MYO3A: variants seen among roughly 807,000 people sequenced by gnomAD.
MYO3A encodes the protein myosin IIIA.
Under a neutral mutation model 192.7 loss-of-function variants are expected in MYO3A, and 180 were observed. The ratio of observed to expected loss-of-function variants is 0.93; its 90% CI spans 0.83 to 1.06. The LOEUF is 1.06. MYO3A is among the 50% of genes least tolerant of loss of function. MYO3A has a pLI of 0.00. For synonymous variants in MYO3A, 628 were observed against 645.3 expected (o/e 0.97, Z 0.41); for missense variants, 1,896 against 1,905.0 (o/e 1.00, Z 0.09).
intron 34 of MYO3A, among the ~76,000 whole-genome samples, chr10:26,204,930 A>G (rs763947234): frequency 7.2e-5 from 11 of 152,230 alleles, no homozygotes; most frequent in South Asian, 6.2e-4. Context: ...AATTTAAAAT[A>G]GAAAACAAAA....
chr10:26,095,305 G>A (rs933084862), intron 15 of MYO3A, among the ~76,000 whole-genome samples: 6 of 152,136 alleles, frequency 3.9e-5, no homozygotes. Context: ...ACTGTAAAAG[G>A]AATCCTACTC....
chr10:26,127,310 T>G (rs1172728541), intron 19 of MYO3A, among the ~76,000 whole-genome samples: 1 of 152,202 alleles, frequency 6.6e-6, no homozygotes, highest in African/African-American at 2.4e-5. Context: ...CACTTTTTTA[T>G]GCAATGAGTT....
At chr10:26,002,292 C>G (rs1431155354) in intron 6 of MYO3A, among the ~76,000 whole-genome samples, 6 of 152,174 alleles carry the variant, frequency 3.9e-5, no homozygotes, top group African/African-American at 1.4e-4. Flanking sequence ...AGAAATAGCA[C>G]TCGAATATAA....
intron 23 of MYO3A, 113 bp downstream of exon 23, chr10:26,147,672 C>T: frequency 6.8e-7 from 1 of 1,474,610 alleles, no homozygotes. Flanking sequence ...GTTTTCGGCT[C>T]ACTAAATATT....
intron 6 of MYO3A, among the ~76,000 whole-genome samples, chr10:26,012,258 G>A (rs1270955579): frequency 6.6e-6 from 1 of 152,058 alleles, no homozygotes; most frequent in Non-Finnish European, 1.5e-5. Flanking sequence ...TTAAGCAAGA[G>A]AAGAAATAAA....
intron 10 of MYO3A, among the ~76,000 whole-genome samples, chr10:26,027,691 G>A (rs563108871): frequency 8.7e-4 from 133 of 152,292 alleles, no homozygotes; most frequent in Middle Eastern, 6.8e-3. Flanking sequence ...AGTATTATAT[G>A]TGTCCCAGAG....
chr10:26,189,882 C>G (rs149092751), intron 31 of MYO3A, among the ~76,000 whole-genome samples: 3,790 of 151,996 alleles, frequency 0.025, 147 homozygotes, highest in African/African-American at 0.087. Flanking sequence ...GGCTAACATG[C>G]TGAAACCCCA....
chr10:26,169,185 T>C (rs1239947700), intron 28 of MYO3A, among the ~76,000 whole-genome samples: 1 of 152,206 alleles, frequency 6.6e-6, no homozygotes, highest in African/African-American at 2.4e-5. Flanking sequence ...TTATAGCTCA[T>C]TGGACAATAA....
intron 2 of MYO3A, among the ~76,000 whole-genome samples, chr10:25,946,365 G>C (rs1469742636): frequency 6.6e-6 from 1 of 151,656 alleles, no homozygotes; most frequent in African/African-American, 2.4e-5. Flanking sequence ...TCCAGATATA[G>C]AATTCTCAGT....
intron 17 of MYO3A, among the ~76,000 whole-genome samples, chr10:26,117,042 T>C (rs1838550797): frequency 1.3e-5 from 2 of 152,214 alleles, no homozygotes; most frequent in South Asian, 4.1e-4. Flanking sequence ...TTAGTTGTGA[T>C]ACTTGGTGTA....
chr10:25,998,937 G>A (rs558038654), intron 6 of MYO3A, among the ~76,000 whole-genome samples: 5 of 151,830 alleles, frequency 3.3e-5, no homozygotes, highest in South Asian at 2.1e-4. Flanking sequence ...TCACTCTGTC[G>A]CCCAGGCTGG....
intron 6 of MYO3A, among the ~76,000 whole-genome samples, chr10:26,000,396 T>C (rs1840717065): frequency 6.6e-6 from 1 of 152,250 alleles, no homozygotes; most frequent in Non-Finnish European, 1.5e-5. Flanking sequence ...GGCATCACTC[T>C]GTTTGGCAGT....
chr10:26,160,069 G>A (rs1297683856), intron 26 of MYO3A, among the ~76,000 whole-genome samples: 3 of 151,706 alleles, frequency 2.0e-5, no homozygotes, highest in African/African-American at 7.3e-5. Context: ...TGCACTTCAT[G>A]TTTCAGAAAA....
intron 23 of MYO3A, among the ~76,000 whole-genome samples, chr10:26,147,840 T>C (rs1309527483): frequency 6.6e-6 from 1 of 152,078 alleles, no homozygotes; most frequent in East Asian, 1.9e-4. Context: ...ACCTCCAGAG[T>C]TCAGAATTAC....
intron 34 of MYO3A, among the ~76,000 whole-genome samples, chr10:26,205,336 C>T (rs1386164582): frequency 6.6e-6 from 1 of 152,044 alleles, no homozygotes; most frequent in East Asian, 1.9e-4. Flanking sequence ...CCATGTTGTA[C>T]AATAAATCTC....
rs767198129 is a variant in MYO3A at position 25,954,966 on chromosome 10, G to A, written c.261G>A (p.Lys87=). ...NVVRFYGIYF[K]KDKVNGDKLW... ...TCAGATTCTATGGGATATACTTTAAGAAGGATAAAGTAAATGGAGACAAGC... is the reference window on the plus strand; with the variant it reads ...TCAGATTCTATGGGATATACTTTAAAAAGGATAAAGTAAATGGAGACAAGC... The change falls in exon 4 of 35, where the codon AAG becomes AAA. Residue 87 remains lysine (K), a synonymous_variant. Coordinates refer to ENST00000642920, the MANE Select transcript of MYO3A (RefSeq NM_017433.5). 38 of 1,612,732 alleles carry A rather than the reference G, an allele frequency of 2.4e-5. No homozygotes were observed. Among genetic ancestry groups the A allele is most frequent in the Non-Finnish European group, 3.0e-5 (35 of 1,179,072 alleles).
chr10:26,022,760 A>G (rs1842370964), intron 8 of MYO3A: 1 of 152,226 alleles, frequency 6.6e-6, no homozygotes, highest in African/African-American at 2.4e-5. Flanking sequence ...GGATTAAACC[A>G]TCATATTTAG....
At chr10:26,142,609 T>C (rs540454650) in intron 20 of MYO3A, among the ~76,000 whole-genome samples, 1 of 152,302 alleles carries the variant, frequency 6.6e-6, no homozygotes, top group East Asian at 1.9e-4. Flanking sequence ...ATTTAATAGA[T>C]TAGAAAATAG....
chr10:26,006,542 A>C (rs1268988705), intron 6 of MYO3A, among the ~76,000 whole-genome samples: 1 of 152,228 alleles, frequency 6.6e-6, no homozygotes, highest in East Asian at 1.9e-4. Context: ...AAAATGATAA[A>C]GGGGATATCA....
Sources: gnomAD v4.1 joint callset for allele counts (sites outside exome capture counted in the v4.1 genomes callset) on GRCh38, gnomAD v4.1.1 for gene constraint, MANE v1.5 for transcripts, NCBI Gene and HGNC (gene_info 2026-07-23, HGNC 2026-07-21) for gene names.